Variants in CCBE1 observed in about 807,000 individuals in gnomAD.
CCBE1 encodes collagen and calcium-binding EGF domain-containing protein 1.
Under a neutral mutation model 50.0 loss-of-function variants are expected in CCBE1, and 37 were observed. That is an observed-to-expected ratio of 0.74 (90% CI 0.57 to 0.97). The LOEUF is 0.97. Ranked by LOEUF, CCBE1 falls within the 50% of genes least tolerant of loss-of-function variation. The pLI, the probability that CCBE1 is intolerant of heterozygous loss-of-function variation, is 0.00. For missense variants in CCBE1, 538 were observed against 523.8 expected, an observed-to-expected ratio of 1.03 and a Z score of -0.26; for synonymous variants, 234 against 203.7, an observed-to-expected ratio of 1.15 and a Z score of -1.27.
Position 59,431,960 on chromosome 18 carries a change from AT to A in CCBE1, c.*3947del, listed in dbSNP as rs1439163133. 5 of 151,698 alleles carry A rather than the reference AT, an allele frequency of 3.3e-5. No individual in the cohort carries two copies. Among genetic ancestry groups the A allele is most frequent in the Non-Finnish European group, 7.4e-5 (5 of 67,986 alleles). The allele number at this position is 151,698 out of a possible 1,614,324, so 9.4% of individuals were successfully genotyped here. ...CTAAAATGCATGCCCTCCATGTACT[AT>A]TTTCTTTTTTCGAGACGGAGTCTCA... On this transcript the variant is annotated 3_prime_UTR_variant, in exon 11 of 11. Transcript: ENST00000439986.
At chr18:59,677,388 G>T (rs1242041516) in intron 2 of CCBE1, among the ~76,000 whole-genome samples, 1 of 152,108 alleles carries the variant, frequency 6.6e-6, no homozygotes, top group Non-Finnish European at 1.5e-5. Flanking sequence ...CTGGTCGGGG[G>T]TAGAAATCAC....
At chr18:59,504,532 G>C (rs182772924) in intron 2 of CCBE1, among the ~76,000 whole-genome samples, 1 of 152,140 alleles carries the variant, frequency 6.6e-6, no homozygotes, top group Admixed American at 6.5e-5. Context: ...TAAATCCACT[G>C]ACAGTGTCTT....
rs749583500 is a variant in CCBE1 at position 59,466,909 on chromosome 18, T to C, written c.401-18A>G. On this transcript the variant is annotated intron_variant, in intron 4 of 10. Coordinates refer to ENST00000439986, the MANE Select transcript of CCBE1 (RefSeq NM_133459.4). ...ATCAATATCTGGTTTGAACCAAATG[T>C]AGAGAATACTAAGTTTCTGAGAATT... 1.2e-6 allele frequency: 2 copies of C among 1,606,940 alleles called. No homozygotes were observed. The highest frequency in any genetic ancestry group is 2.2e-5 in the East Asian group (1 of 44,756).
At chr18:59,461,750 T>TTTTTTG (rs1911490145) in intron 5 of CCBE1, among the ~76,000 whole-genome samples, 1 of 147,924 alleles carries the variant, frequency 6.8e-6, no homozygotes, top group Non-Finnish European at 1.5e-5. Flanking sequence ...TTTTTTTTTT[T>TTTTTTG]GAGACAGAGT....
At chr18:59,479,322 A>G (rs555579249) in intron 3 of CCBE1, among the ~76,000 whole-genome samples, 2 of 152,256 alleles carry the variant, frequency 1.3e-5, no homozygotes, top group South Asian at 4.2e-4. Flanking sequence ...CCTTGATAAC[A>G]TGGTCTCACT....
intron 3 of CCBE1, among the ~76,000 whole-genome samples, chr18:59,479,410 G>C (rs552744740): frequency 6.6e-5 from 10 of 152,228 alleles, no homozygotes; most frequent in African/African-American, 2.2e-4. Context: ...TTTCTGCTTT[G>C]AATGTCTCTA....
intron 2 of CCBE1, among the ~76,000 whole-genome samples, chr18:59,622,001 T>A (rs1483428741): frequency 6.6e-6 from 1 of 152,158 alleles, no homozygotes; most frequent in Non-Finnish European, 1.5e-5. Context: ...AAAACTACTA[T>A]GCAAAGAAGT....
intron 2 of CCBE1, among the ~76,000 whole-genome samples, chr18:59,600,189 G>A (rs1204689280): frequency 6.6e-6 from 1 of 152,124 alleles, no homozygotes; most frequent in Non-Finnish European, 1.5e-5. Flanking sequence ...TTCTACCTGT[G>A]CTCTACCTCC....
intron 2 of CCBE1, among the ~76,000 whole-genome samples, chr18:59,516,161 G>A (rs1172248636): frequency 6.6e-6 from 1 of 151,650 alleles, no homozygotes; most frequent in Non-Finnish European, 1.5e-5. Context: ...GTCTTGCCAT[G>A]TTGGCCAGTC....
chr18:59,605,047 G>T (rs186087237), intron 2 of CCBE1, among the ~76,000 whole-genome samples: 1 of 152,308 alleles, frequency 6.6e-6, no homozygotes, highest in East Asian at 1.9e-4. Flanking sequence ...ATGCCCTCAT[G>T]AGAGCATGTT....
At chr18:59,667,824 C>T (rs1310039855) in intron 2 of CCBE1, among the ~76,000 whole-genome samples, 4 of 152,016 alleles carry the variant, frequency 2.6e-5, no homozygotes, top group Non-Finnish European at 4.4e-5. Context: ...GCACAAGAAA[C>T]GGTAATTTTC....
At chr18:59,552,066 A>C (rs1474469073) in intron 2 of CCBE1, among the ~76,000 whole-genome samples, 1 of 152,210 alleles carries the variant, frequency 6.6e-6, no homozygotes, top group Non-Finnish European at 1.5e-5. Flanking sequence ...CTCAATTCAC[A>C]CAACTGGTAC....
At chr18:59,487,291 G>A (rs1041012044) in intron 2 of CCBE1, among the ~76,000 whole-genome samples, 1 of 151,864 alleles carries the variant, frequency 6.6e-6, no homozygotes, top group Non-Finnish European at 1.5e-5. Context: ...AAAGTACAGA[G>A]AACATGATCT....
intron 2 of CCBE1, among the ~76,000 whole-genome samples, chr18:59,684,868 A>C (rs766184183): frequency 6.6e-6 from 1 of 152,192 alleles, no homozygotes; most frequent in African/African-American, 2.4e-5. Context: ...GCCCGTAAGA[A>C]GCCTTTTGTT....
At chr18:59,523,068 G>A (rs147798734) in intron 2 of CCBE1, among the ~76,000 whole-genome samples, 1 of 150,760 alleles carries the variant, frequency 6.6e-6, no homozygotes, top group Non-Finnish European at 1.5e-5. Flanking sequence ...AAAACCTGCT[G>A]TACTCCTGAA....
chr18:59,549,705 C>T (rs57764629), intron 2 of CCBE1, among the ~76,000 whole-genome samples: 15,739 of 152,100 alleles, frequency 0.1, 1,115 homozygotes, highest in East Asian at 0.34. Context: ...TGATATAGTA[C>T]CCAGTTGGGC....
At chr18:59,655,088 A>AG (rs2054172406) in intron 2 of CCBE1, among the ~76,000 whole-genome samples, 1 of 151,020 alleles carries the variant, frequency 6.6e-6, no homozygotes, top group African/African-American at 2.4e-5. Flanking sequence ...ACTATGTCAA[A>AG]AAAAAAAAAA....
chr18:59,543,166 C>T (rs561978172), intron 2 of CCBE1, among the ~76,000 whole-genome samples: 1 of 152,254 alleles, frequency 6.6e-6, no homozygotes, highest in Admixed American at 6.5e-5. Context: ...GATGCAGAGT[C>T]CAGGGCCCCA....
At chr18:59,542,008 T>C (rs1379907930) in intron 2 of CCBE1, among the ~76,000 whole-genome samples, 1 of 151,542 alleles carries the variant, frequency 6.6e-6, no homozygotes, top group Non-Finnish European at 1.5e-5. Flanking sequence ...GAGACCCTGT[T>C]TTACAACAAA....
Sources: allele counts gnomAD v4.1 joint callset (sites outside exome capture counted in the v4.1 genomes callset), GRCh38; gene constraint gnomAD v4.1.1; transcripts MANE v1.5; gene names NCBI Gene and HGNC (gene_info 2026-07-23, HGNC 2026-07-21).